The following ZNF850 variants were observed in gnomAD, a reference collection of about 807,000 sequenced individuals.
ZNF850 encodes putative zinc finger protein ENSP00000330994.
A neutral mutation model predicts 11.9 loss-of-function variants in ZNF850; 2 were observed. The ratio of observed to expected loss-of-function variants is 0.17; its 90% CI spans 0.07 to 0.53. The LOEUF (loss-of-function observed/expected upper bound fraction) is 0.53. Ranked by LOEUF, ZNF850 falls within the 20% of genes least tolerant of loss-of-function variation. The pLI is 0.94. For missense variants in ZNF850, 1,014 were observed against 1,316.4 expected (o/e 0.77, Z 3.55); for synonymous variants, 381 against 443.0 (o/e 0.86, Z 1.76).
At position 36,754,062 on chromosome 19, in the gene ZNF850, G is replaced by A. The variant is rs145495238; in HGVS notation, c.236-3258C>T. On this transcript the variant is annotated intron_variant, in intron 4 of 4. Transcript: ENST00000591344. ...ATTGTGCCTGTATTTTCAGCTACTC[G>A]GGAGGCTGAGGTATGCAGATTGCTT... is the stretch of plus-strand genomic sequence containing the variant. Among the ~76,000 whole-genome samples the A allele has an allele frequency of 2.3e-3, 344 of 151,790 alleles. 4 individuals are homozygous for A. The highest frequency in any genetic ancestry group is 2.1e-3 in the Non-Finnish European group (141 of 67,948).
At chr19:36,762,536 G>A (rs1416048920) in intron 2 of ZNF850, 59 bp downstream of exon 2, 3 of 1,536,170 alleles carry the variant, frequency 2.0e-6, no homozygotes, top group Non-Finnish European at 1.7e-6. Context: ...ACAGTGAGCA[G>A]ACCAGCTAGG....
At chr19:36,772,017 C>T (rs2040587910) in intron 1 of ZNF850, among the ~76,000 whole-genome samples, 1 of 152,164 alleles carries the variant, frequency 6.6e-6, no homozygotes, top group Admixed American at 6.5e-5. Flanking sequence ...CTTTCTTTAA[C>T]CCTCGCCTTC....
intron 4 of ZNF850, among the ~76,000 whole-genome samples, chr19:36,761,287 A>G (rs937967692): frequency 6.6e-6 from 1 of 151,930 alleles, no homozygotes; most frequent in Non-Finnish European, 1.5e-5. Context: ...TGAAAATACA[A>G]AAATTAGCTG....
At chr19:36,768,071 G>A (rs1361686477) in intron 1 of ZNF850, among the ~76,000 whole-genome samples, 1 of 151,960 alleles carries the variant, frequency 6.6e-6, no homozygotes, top group Non-Finnish European at 1.5e-5. Flanking sequence ...GTCAAGCCTG[G>A]GAAATATAGG....
intron 4 of ZNF850, among the ~76,000 whole-genome samples, chr19:36,756,935 C>T (rs1017472191): frequency 6.6e-6 from 1 of 152,044 alleles, no homozygotes; most frequent in Non-Finnish European, 1.5e-5. Flanking sequence ...TTGTTAATGC[C>T]CATTTAGATT....
intron 3 of ZNF850, 116 bp downstream of exon 3, chr19:36,762,189 C>A: frequency 1.2e-6 from 1 of 820,580 alleles, no homozygotes; most frequent in Non-Finnish European, 1.8e-6. Context: ...AAAGAGCTGC[C>A]CATCTATTAA....
rs1195731268 is a variant in ZNF850, at chr19:36,748,910, A to G, written c.2130T>C (p.Phe710=). The part of the protein sequence containing the change: ...PYECKECGKS[F]TFCSGLIQHQ... ...GTTGAATTAGTCCTGAGCAGAAAGT[A>G]AAAGATTTCCCACATTCTTTACATT... The change falls in exon 5 of 5, where the codon TTT becomes TTC. Residue 710 remains phenylalanine, a synonymous_variant. Transcript: ENST00000591344. 3 of 1,564,048 alleles carry G rather than the reference A, an allele frequency of 1.9e-6. No individual in the cohort carries two copies. The highest frequency in any genetic ancestry group is 1.4e-5 in the African/African-American group (1 of 73,658).
chr19:36,768,205 CAA>C (rs35717572), intron 1 of ZNF850, among the ~76,000 whole-genome samples: 44,061 of 135,350 alleles, frequency 0.33, 6,781 homozygotes, highest in African/African-American at 0.44. Context: ...GACCCTGTCT[CAA>C]AAAAAAAAAA....
At chr19:36,757,364 T>C (rs2040492502) in intron 4 of ZNF850, among the ~76,000 whole-genome samples, 2 of 152,254 alleles carry the variant, frequency 1.3e-5, no homozygotes, top group East Asian at 1.9e-4. Flanking sequence ...ATTTATGTTA[T>C]GTATGTTTTA....
At chr19:36,764,106 A>G (rs1600615118) in intron 1 of ZNF850, among the ~76,000 whole-genome samples, 1 of 141,424 alleles carries the variant, frequency 7.1e-6, no homozygotes, top group South Asian at 2.3e-4. Context: ...TTAGCTGGGC[A>G]TGGTGGCACA....
rs1169314223 is a variant in ZNF850 at position 36,747,341 on chromosome 19, T to C, written c.*426A>G. 1 of 157,766 alleles carries C rather than the reference T, an allele frequency of 6.3e-6. No homozygotes were observed. Among genetic ancestry groups the C allele is most frequent in the Non-Finnish European group, 1.4e-5 (1 of 71,400 alleles). The allele number at this position is 157,766 out of a possible 1,614,324, so 9.8% of individuals were successfully genotyped here. ...AACTTCAATAAGCTTTGAATCATGA[T>C]AGAAAACTCATCTACATTCATTATC... is the stretch of plus-strand genomic sequence containing the variant. On this transcript the variant is annotated 3_prime_UTR_variant, in exon 5 of 5. Coordinates refer to ENST00000591344, the MANE Select transcript of ZNF850 (RefSeq NM_001193552.2).
In ZNF850 at chr19:36,761,679, T is replaced by C. The variant is rs2040519163; in HGVS notation, c.199A>G (p.Met67Val). ...CCTCCCAGCACGTCCCTTGAAACCA[T>C]CCAGGGCTCTTTCCCTTGCTCCAGT... ...SLLEQGKEPW[M>V]VSRDVLGGWC... Residue 67 changes from methionine to valine, a missense_variant, in exon 4 of 5, where the codon ATG becomes GTG. Around this residue, in one of 2 missense-constraint regions of ZNF850, gnomAD observed 835 missense variants for 1,022.0 expected, o/e 0.82. Coordinates refer to ENST00000591344, the MANE Select transcript of ZNF850 (RefSeq NM_001193552.2). 5.8e-6 allele frequency: 9 copies of C among 1,561,714 alleles called. No homozygotes were observed. Among genetic ancestry groups the C allele is most frequent in the Non-Finnish European group, 7.8e-6 (9 of 1,159,980 alleles).
At chr19:36,766,270 T>G (rs1265653337) in intron 1 of ZNF850, among the ~76,000 whole-genome samples, 1 of 152,050 alleles carries the variant, frequency 6.6e-6, no homozygotes, top group Non-Finnish European at 1.5e-5. Flanking sequence ...AACAAATGTC[T>G]TGTTGGTAGA....
rs2040431964 is a variant in ZNF850 at position 36,748,882 on chromosome 19, G to A, written c.2158C>T (p.Gln720Ter). 1 of 1,553,956 alleles carries A rather than the reference G, an allele frequency of 6.4e-7. No individual in the cohort carries two copies. The highest frequency in any genetic ancestry group is 1.2e-5 in the South Asian group (1 of 85,280). Reference sequence around the variant, plus strand: ...GGTTTCTCATCAGTGTGATTTTGCTGATGTTGAATTAGTCCTGAGCAGAAA... The same window carrying A: ...GGTTTCTCATCAGTGTGATTTTGCTAATGTTGAATTAGTCCTGAGCAGAAA... ...FTFCSGLIQH[Q>*]QNHTDEKPYD... The change falls in exon 5 of 5, where the codon CAG (glutamine) becomes TAG (stop). Residue 720 changes from glutamine to a stop codon, truncating the protein, a stop_gained. Transcript: ENST00000591344. LOFTEE classifies it low-confidence loss of function (END_TRUNC).
chr19:36,769,900 A>C (rs1340690159), intron 1 of ZNF850, among the ~76,000 whole-genome samples: 1 of 152,186 alleles, frequency 6.6e-6, no homozygotes. Context: ...CTCAGCCCCC[A>C]AAACTGGTCC....
Position 36,761,708 on chromosome 19 carries a change from G to A in ZNF850, c.170C>T (p.Ser57Phe). 6.4e-7 allele frequency: 1 copy of A among 1,559,634 alleles called. No individual in the cohort carries two copies. Among genetic ancestry groups the A allele is most frequent in the Non-Finnish European group, 8.6e-7 (1 of 1,158,328 alleles). ...GLSIPKPDVISLLEQGKEPWM... is the reference protein window; with the variant it reads ...GLSIPKPDVIFLLEQGKEPWM... ...GGGCTCTTTCCCTTGCTCCAGTAAGGAAATCACATCAGGCTTTGGGATAGA... is the reference window on the plus strand; with the variant it reads ...GGGCTCTTTCCCTTGCTCCAGTAAGAAAATCACATCAGGCTTTGGGATAGA... Residue 57 changes from serine to phenylalanine, a missense_variant, in exon 4 of 5, where the codon TCC becomes TTC. Around this residue, in one of 2 missense-constraint regions of ZNF850, gnomAD observed 835 missense variants for 1,022.0 expected, o/e 0.82. Transcript: ENST00000591344.
rs766723753 is a variant in ZNF850, at chr19:36,749,919, A to G, written c.1121T>C (p.Phe374Ser). ...PYDCKECGKS[F>S]TFHSALIRHQ... ...TCGAATTAGAGCTGAGTGAAAAGTA[A>G]AAGATTTTCCACATTCCTTACAGTC... Residue 374 changes from phenylalanine to serine, a missense_variant, in exon 5 of 5, where the codon TTT (phenylalanine) becomes TCT (serine). By Grantham distance (155) the Phe-to-Ser change is radical (BLOSUM62 -2). Around this residue, in one of 2 missense-constraint regions of ZNF850, gnomAD observed 835 missense variants for 1,022.0 expected, o/e 0.82. Transcript: ENST00000591344. 37 of 1,571,932 alleles carry G rather than the reference A, an allele frequency of 2.4e-5. No homozygotes were observed. In the East Asian group the frequency reaches 8.0e-4, roughly 34 times the overall value.
Position 36,749,961 on chromosome 19 carries a change from G to A in ZNF850, c.1079C>T (p.Thr360Ile), listed in dbSNP as rs1354407319. The A allele has an allele frequency of 3.2e-6, 5 of 1,567,378 alleles. No homozygotes were observed. Among genetic ancestry groups the A allele is most frequent in the South Asian group, 1.2e-5 (1 of 85,784 alleles). The change falls in exon 5 of 5, where the codon ACT becomes ATT. Residue 360 changes from threonine to isoleucine, a missense_variant. By Grantham distance (89) the Thr-to-Ile change is moderately conservative (BLOSUM62 -1). Around this residue, in one of 2 missense-constraint regions of ZNF850, gnomAD observed 835 missense variants for 1,022.0 expected, o/e 0.82. Transcript: ENST00000591344. Reference protein sequence around the residue: ...SALIRHQRIHTGEKPYDCKEC... With the variant: ...SALIRHQRIHIGEKPYDCKEC... ...CTTACAGTCATAGGGTTTCTCACCAGTGTGAATTCGCTGATGTCGAATTAG... is the reference window on the plus strand; with the variant it reads ...CTTACAGTCATAGGGTTTCTCACCAATGTGAATTCGCTGATGTCGAATTAG...
At chr19:36,762,719 A>G (rs902231110) in intron 1 of ZNF850, 44 bp from the exon 2 acceptor site, 2 of 1,183,444 alleles carry the variant, frequency 1.7e-6, no homozygotes, top group Admixed American at 4.1e-5. Flanking sequence ...TCCCAAATAA[A>G]TGAACTAGAG....
Sources: allele counts gnomAD v4.1 joint callset (sites outside exome capture counted in the v4.1 genomes callset), GRCh38; gene constraint gnomAD v4.1.1; regional missense constraint gnomAD v4.1.1; transcripts MANE v1.5; gene names NCBI Gene and HGNC (gene_info 2026-07-23, HGNC 2026-07-21).